SVOP: variants seen among roughly 807,000 people sequenced by gnomAD.
SVOP encodes the protein synaptic vesicle 2-related protein.
Under a neutral mutation model 69.1 loss-of-function variants are expected in SVOP, and 17 were observed. The ratio of observed to expected loss-of-function variants is 0.25; its 90% CI spans 0.17 to 0.37. The LOEUF (loss-of-function observed/expected upper bound fraction) is 0.37. SVOP is among the 10% of genes least tolerant of loss of function. The pLI, the probability that SVOP is intolerant of heterozygous loss-of-function variation, is 1.00. For synonymous variants in SVOP, 238 were observed against 238.6 expected, an observed-to-expected ratio of 1.00 and a Z score of 0.02; for missense variants, 435 against 597.5, an observed-to-expected ratio of 0.73 and a Z score of 2.84.
At chr12:108,983,109 T>C (rs2040150475) in intron 2 of SVOP, among the ~76,000 whole-genome samples, 1 of 150,520 alleles carries the variant, frequency 6.6e-6, no homozygotes, top group African/African-American at 2.5e-5. Context: ...ATCACCATCA[T>C]CATAATCACC....
At chr12:108,925,873 T>G (rs531252562) in intron 11 of SVOP, among the ~76,000 whole-genome samples, 1 of 151,970 alleles carries the variant, frequency 6.6e-6, no homozygotes, top group South Asian at 2.1e-4. Context: ...CCATCCTATT[T>G]AAAACTTAAC....
chr12:109,013,859 G>T (rs2040354957), intron 1 of SVOP, among the ~76,000 whole-genome samples: 1 of 151,960 alleles, frequency 6.6e-6, no homozygotes, highest in Admixed American at 6.6e-5. Flanking sequence ...CCACCACCGA[G>T]TTCCTGGAAC....
Position 109,009,153 on chromosome 12 carries a change from G to A in SVOP, c.35+11681C>T, listed in dbSNP as rs1472765321. ...ATTTTTATATTTTTAGTAGAGACAG[G>A]GTTTTGCCGTGTTGGCCAGGCTGGT... On this transcript the variant is annotated intron_variant, in intron 1 of 15. Coordinates refer to ENST00000610966, the MANE Select transcript of SVOP (RefSeq NM_018711.5). 4.0e-5 allele frequency among the ~76,000 whole-genome samples: 6 copies of A among 151,528 alleles called. No individual in the cohort carries two copies. In the East Asian group the frequency reaches 1.2e-3, roughly 29 times the overall value.
chr12:108,958,855 A>T (rs1232217799), intron 6 of SVOP, among the ~76,000 whole-genome samples: 1 of 151,560 alleles, frequency 6.6e-6, no homozygotes, highest in Non-Finnish European at 1.5e-5. Flanking sequence ...AATCTGAAAC[A>T]CCTCTGAAGG....
Position 109,020,831 on chromosome 12 carries a change from C to T in SVOP, c.35+3G>A, listed in dbSNP as rs2040393833. On this transcript the variant is annotated splice_donor_region_variant and intron_variant, in intron 1 of 15. Transcript: ENST00000610966. ...GCCTCTTGCTCGCCCCCATGATACT[C>T]ACGGCAGCTGCCTTAGCTGGAATAA... is the stretch of plus-strand genomic sequence containing the variant. 3.0e-6 allele frequency: 2 copies of T among 663,280 alleles called. No homozygotes were observed. The highest frequency in any genetic ancestry group is 6.1e-5 in the East Asian group (2 of 33,004). 41.1% of individuals were successfully genotyped at this position (663,280 alleles called of 1,614,324 possible).
chr12:108,995,188 A>C (rs1167914527), intron 1 of SVOP, among the ~76,000 whole-genome samples: 1 of 152,170 alleles, frequency 6.6e-6, no homozygotes, highest in African/African-American at 2.4e-5. Flanking sequence ...AATGTTAACA[A>C]ATTTTTAAGT....
intron 5 of SVOP, among the ~76,000 whole-genome samples, chr12:108,962,096 T>C (rs1041784739): frequency 6.6e-6 from 1 of 152,208 alleles, no homozygotes; most frequent in Non-Finnish European, 1.5e-5. Context: ...GTAACTTATT[T>C]CTTTCTTATT....
chr12:108,917,581 C>T (rs1378569960), intron 14 of SVOP, among the ~76,000 whole-genome samples: 5 of 151,910 alleles, frequency 3.3e-5, no homozygotes, highest in Non-Finnish European at 7.4e-5. Context: ...CTGCAATCTG[C>T]CTTTTCCATT....
At chr12:108,955,100 T>C (rs980100541) in intron 6 of SVOP, among the ~76,000 whole-genome samples, 4 of 152,256 alleles carry the variant, frequency 2.6e-5, no homozygotes, top group Admixed American at 6.5e-5. Flanking sequence ...ATAGAAAATG[T>C]CACTTCTCAT....
intron 1 of SVOP, among the ~76,000 whole-genome samples, chr12:109,008,663 T>C (rs1434885733): frequency 3.9e-5 from 6 of 152,108 alleles, no homozygotes; most frequent in Non-Finnish European, 7.4e-5. Context: ...ATAAGCATCA[T>C]CTCAAGGAAC....
chr12:108,998,531 G>T (rs2040249403), intron 1 of SVOP, among the ~76,000 whole-genome samples: 1 of 151,966 alleles, frequency 6.6e-6, no homozygotes. Flanking sequence ...AAGTTGAAAT[G>T]AAGGAAAAAA....
intron 10 of SVOP, among the ~76,000 whole-genome samples, chr12:108,935,523 A>G (rs4964776): frequency 0.51 from 76,979 of 152,100 alleles, 21,960 homozygotes; most frequent in African/African-American, 0.78. Context: ...CTGCAGGCTC[A>G]CTGAGTTAAT....
chr12:108,984,740 A>C (rs1344363461), intron 1 of SVOP, among the ~76,000 whole-genome samples: 1 of 152,106 alleles, frequency 6.6e-6, no homozygotes. Flanking sequence ...CCGGGGCAAA[A>C]TTACCTGTCT....
At chr12:108,985,536 G>T (rs1284212107) in intron 1 of SVOP, among the ~76,000 whole-genome samples, 1 of 152,042 alleles carries the variant, frequency 6.6e-6, no homozygotes, top group Non-Finnish European at 1.5e-5. Flanking sequence ...GCCAGGCATG[G>T]TGGCATGTGC....
At chr12:109,011,814 C>A (rs1032619062) in intron 1 of SVOP, among the ~76,000 whole-genome samples, 6 of 152,082 alleles carry the variant, frequency 3.9e-5, no homozygotes, top group Non-Finnish European at 8.8e-5. Flanking sequence ...CATGAACGAA[C>A]CTGGAGGACA....
intron 1 of SVOP, among the ~76,000 whole-genome samples, chr12:108,993,044 T>C (rs1369296508): frequency 6.6e-6 from 1 of 152,074 alleles, no homozygotes; most frequent in African/African-American, 2.4e-5. Flanking sequence ...CCGTCTTTTA[T>C]TTTTTTGAGA....
chr12:108,916,500 G>A (rs887206263), intron 14 of SVOP, among the ~76,000 whole-genome samples: 23 of 152,268 alleles, frequency 1.5e-4, no homozygotes, highest in African/African-American at 3.6e-4. Flanking sequence ...GTTGCTGTGC[G>A]TTGTAGGATG....
chr12:108,980,913 A>T (rs2040132229), intron 2 of SVOP, among the ~76,000 whole-genome samples: 1 of 152,182 alleles, frequency 6.6e-6, no homozygotes, highest in Non-Finnish European at 1.5e-5. Context: ...TGACAGAGTG[A>T]GTTTCCATCT....
At chr12:108,920,594 C>CT (rs71079507) in intron 12 of SVOP, among the ~76,000 whole-genome samples, 15,654 of 121,206 alleles carry the variant, frequency 0.13, 1,736 homozygotes, top group African/African-American at 0.26. Flanking sequence ...ATTTTTACAT[C>CT]TTTTTTTTTT....
Sources: gnomAD v4.1 joint callset for allele counts (sites outside exome capture counted in the v4.1 genomes callset) on GRCh38, gnomAD v4.1.1 for gene constraint, MANE v1.5 for transcripts, NCBI Gene and HGNC (gene_info 2026-07-23, HGNC 2026-07-21) for gene names.